CNTLN: variants seen among roughly 807,000 people sequenced by gnomAD.
CNTLN encodes the protein centlein, centrosomal protein.
Under a neutral mutation model 180.0 loss-of-function variants are expected in CNTLN, and 212 were observed. That is an observed-to-expected ratio of 1.18 (90% confidence interval 1.05 to 1.32). CNTLN has a LOEUF of 1.32. CNTLN is among the 40% of genes most tolerant of loss of function. The pLI, the probability that CNTLN is intolerant of heterozygous loss-of-function variation, is 0.00. For missense variants in CNTLN, 2,095 were observed against 1,610.9 expected (o/e 1.30, Z -5.14); for synonymous variants, 722 against 563.1 (o/e 1.28, Z -3.99).
chr9:17,475,670 A>G (rs912682539), intron 23 of CNTLN, among the ~76,000 whole-genome samples: 29 of 152,028 alleles, frequency 1.9e-4, no homozygotes, highest in African/African-American at 6.3e-4. Flanking sequence ...CAGGAGATCA[A>G]GACCATCCTG....
chr9:17,326,750 C>A (rs1820320222), intron 8 of CNTLN, among the ~76,000 whole-genome samples: 1 of 152,078 alleles, frequency 6.6e-6, no homozygotes, highest in African/African-American at 2.4e-5. Flanking sequence ...CCTCTATGAT[C>A]TTCCTTCTCA....
At chr9:17,266,227 G>T (rs975564557) in intron 5 of CNTLN, among the ~76,000 whole-genome samples, 20 of 152,210 alleles carry the variant, frequency 1.3e-4, no homozygotes, top group African/African-American at 4.8e-4. Context: ...CAGAGATTCT[G>T]GTATGCTGTG....
At chr9:17,165,513 C>T (rs140906450) in intron 2 of CNTLN, among the ~76,000 whole-genome samples, 2 of 152,182 alleles carry the variant, frequency 1.3e-5, no homozygotes, top group East Asian at 3.9e-4. Flanking sequence ...TAGGTTACAT[C>T]AGTAATCTGT....
intron 15 of CNTLN, 147 bp downstream of exon 15, chr9:17,395,216 T>C (rs1011082888): frequency 1.6e-6 from 2 of 1,265,370 alleles, no homozygotes; most frequent in Non-Finnish European, 2.1e-6. Context: ...GAGGTCTTGT[T>C]CTGAGCTTAT....
chr9:17,501,109 C>T (rs1377056184), intron 25 of CNTLN, among the ~76,000 whole-genome samples: 1 of 152,184 alleles, frequency 6.6e-6, no homozygotes, highest in African/African-American at 2.4e-5. Context: ...GTTTTTCCCC[C>T]TAGAAAAGCT....
At chr9:17,328,142 T>G (rs543162342) in intron 8 of CNTLN, among the ~76,000 whole-genome samples, 1 of 152,208 alleles carries the variant, frequency 6.6e-6, no homozygotes, top group Non-Finnish European at 1.5e-5. Flanking sequence ...TATACCCTTT[T>G]GTACCCTACT....
At chr9:17,156,958 G>T (rs1195724361) in intron 2 of CNTLN, among the ~76,000 whole-genome samples, 1 of 152,216 alleles carries the variant, frequency 6.6e-6, no homozygotes, top group Non-Finnish European at 1.5e-5. Flanking sequence ...ATTTAAATTT[G>T]TAATTATGTA....
chr9:17,260,699 G>T (rs1826898857), intron 5 of CNTLN, among the ~76,000 whole-genome samples: 1 of 151,296 alleles, frequency 6.6e-6, no homozygotes, highest in East Asian at 1.9e-4. Flanking sequence ...AGTTTAATTA[G>T]ATCCCATTTG....
In CNTLN at chr9:17,457,674, A is replaced by G. The variant is rs1047413668; in HGVS notation, c.3265A>G (p.Ser1089Gly). 6.6e-7 allele frequency: 1 copy of G among 1,517,758 alleles called. No individual in the cohort carries two copies. The highest frequency in any genetic ancestry group is 8.8e-7 in the Non-Finnish European group (1 of 1,131,532). The allele number at this position is 1,517,758 out of a possible 1,614,324, so 94.0% of individuals were successfully genotyped here. The change falls in exon 19 of 26, where the codon AGC (serine) becomes GGC (glycine). Residue 1089 changes from serine (S) to glycine (G), a missense_variant. By Grantham distance (56) the Ser-to-Gly change is moderately conservative. Transcript: ENST00000380647. ...IQVTSLSPSR[S>G]MDLEMKQLQY... ...AGTTACATCACTTAGTCCTTCAAGG[A>G]GCATGGATTTGGAAATGAAGCAATT... is the stretch of plus-strand genomic sequence containing the variant.
chr9:17,375,932 G>C (rs1564045845), intron 13 of CNTLN, among the ~76,000 whole-genome samples: 1 of 152,074 alleles, frequency 6.6e-6, no homozygotes, highest in African/African-American at 2.4e-5. Context: ...ATTTTTTGTT[G>C]TTTAACCTGC....
chr9:17,252,976 C>G (rs1826245020), intron 5 of CNTLN, among the ~76,000 whole-genome samples: 1 of 151,608 alleles, frequency 6.6e-6, no homozygotes, highest in Non-Finnish European at 1.5e-5. Context: ...CATTCTTTTA[C>G]TCATGGTTAT....
At chr9:17,261,009 C>G (rs1296775414) in intron 5 of CNTLN, among the ~76,000 whole-genome samples, 1 of 151,158 alleles carries the variant, frequency 6.6e-6, no homozygotes, top group Non-Finnish European at 1.5e-5. Context: ...TTTCTGGGTT[C>G]TCTATTCTGT....
In CNTLN at chr9:17,502,587, GA is replaced by G; in HGVS notation, c.4162del (p.Ile1388Ter). The G allele has an allele frequency of 3.6e-6, 5 of 1,406,802 alleles. No homozygotes were observed. Among genetic ancestry groups the G allele is most frequent in the East Asian group, 2.4e-5 (1 of 41,270 alleles). 87.1% of individuals were successfully genotyped at this position (1,406,802 alleles called of 1,614,324 possible). A position where few individuals can be genotyped will look rare whatever the true frequency, so the allele number is the denominator to read the frequency against. ...CTCATATTTACTAGAAGCAGTACTGGAAAAAATAAATGAAAAAAAGAAACTA... is the reference window on the plus strand; with the variant it reads ...CTCATATTTACTAGAAGCAGTACTGGAAAAATAAATGAAAAAAAGAAACTA... ...FASYLLEAVL[E>X]KINEKKKLVE... is the part of the protein sequence containing the mutation. On this transcript the variant is annotated frameshift_variant, in exon 26 of 26. Coordinates refer to ENST00000380647, the MANE Select transcript of CNTLN (RefSeq NM_017738.4). LOFTEE classifies it high-confidence loss of function.
chr9:17,170,774 A>G (rs1820372557), intron 2 of CNTLN, among the ~76,000 whole-genome samples: 1 of 149,786 alleles, frequency 6.7e-6, no homozygotes, highest in Non-Finnish European at 1.5e-5. Flanking sequence ...AATTAGACTC[A>G]TTTTCCTCAT....
At chr9:17,410,727 G>A (rs1827780709) in intron 16 of CNTLN, among the ~76,000 whole-genome samples, 1 of 151,980 alleles carries the variant, frequency 6.6e-6, no homozygotes, top group Admixed American at 6.6e-5. Context: ...ATTTTTTCAT[G>A]TGATGTGAGA....
rs773585096 is a variant in CNTLN at position 17,366,658 on chromosome 9, T to G, written c.1928T>G (p.Ile643Arg). 1.9e-6 allele frequency: 3 copies of G among 1,585,602 alleles called. No homozygotes were observed. Among genetic ancestry groups the G allele is most frequent in the Non-Finnish European group, 2.6e-6 (3 of 1,160,352 alleles). The change falls in exon 13 of 26, where the codon ATA becomes AGA. Residue 643 changes from isoleucine to arginine, a missense_variant. Physicochemically the swap from Ile to Arg is moderately conservative, Grantham distance 97 (BLOSUM62 -3). Coordinates refer to ENST00000380647, the MANE Select transcript of CNTLN (RefSeq NM_017738.4). ...EEELDELKVHISIDKAAIQEL... is the reference protein window; with the variant it reads ...EEELDELKVHRSIDKAAIQEL... ...GAATTAGATGAACTTAAAGTACATA[T>G]ATCTATTGATAAGGCAGCAATACAA... is the stretch of plus-strand genomic sequence containing the variant.
intron 14 of CNTLN, among the ~76,000 whole-genome samples, chr9:17,391,709 T>A (rs1826129962): frequency 1.3e-5 from 2 of 152,214 alleles, no homozygotes; most frequent in African/African-American, 4.8e-5. Context: ...TAATTCAGAC[T>A]ATTCAGCACA....
At chr9:17,327,727 G>A (rs1253794442) in intron 8 of CNTLN, among the ~76,000 whole-genome samples, 1 of 152,104 alleles carries the variant, frequency 6.6e-6, no homozygotes, top group Non-Finnish European at 1.5e-5. Flanking sequence ...GCCGAGGCAG[G>A]TGGATCACCT....
intron 13 of CNTLN, among the ~76,000 whole-genome samples, chr9:17,367,348 C>G (rs528626501): frequency 6.6e-6 from 1 of 152,116 alleles, no homozygotes. Context: ...GTGGTTGGAA[C>G]CTGAGTTCTG....
Sources: gnomAD v4.1 joint callset for allele counts (sites outside exome capture counted in the v4.1 genomes callset) on GRCh38, gnomAD v4.1.1 for gene constraint, MANE v1.5 for transcripts, NCBI Gene and HGNC (gene_info 2026-07-23, HGNC 2026-07-21) for gene names.